OSBPL6: variants seen among roughly 807,000 people sequenced by gnomAD.
OSBPL6 encodes oxysterol binding protein like 6.
A neutral mutation model predicts 125.8 loss-of-function variants in OSBPL6; 49 were observed. The ratio of observed to expected loss-of-function variants is 0.39; its 90% CI spans 0.31 to 0.49. The LOEUF is 0.49. Among genes scored for constraint, OSBPL6 ranks in the 20% least tolerant of loss-of-function variants. OSBPL6 has a pLI of 0.88. For synonymous variants in OSBPL6, 394 were observed against 391.8 expected, an observed-to-expected ratio of 1.01 and a Z score of -0.07; for missense variants, 986 against 1,135.4, an observed-to-expected ratio of 0.87 and a Z score of 1.89.
chr2:178,357,559 G>A (rs80020996), intron 12 of OSBPL6, among the ~76,000 whole-genome samples: 6,323 of 152,196 alleles, frequency 0.042, 219 homozygotes, highest in South Asian at 0.15. Context: ...AGTTAAAATG[G>A]CCATCATTAT....
At chr2:178,351,863 A>G (rs1490488406) in intron 12 of OSBPL6, among the ~76,000 whole-genome samples, 9 of 152,162 alleles carry the variant, frequency 5.9e-5, no homozygotes, top group Non-Finnish European at 1.2e-4. Flanking sequence ...GAGGAGGGAG[A>G]GGAACAGAGA....
intron 13 of OSBPL6, among the ~76,000 whole-genome samples, chr2:178,369,984 G>A (rs1693226647): frequency 6.6e-6 from 1 of 152,164 alleles, no homozygotes; most frequent in African/African-American, 2.4e-5. Context: ...GTGATTCTGG[G>A]CTGGGCAGGG....
chr2:178,350,532 G>A (rs191323565), intron 12 of OSBPL6, among the ~76,000 whole-genome samples: 3 of 152,196 alleles, frequency 2.0e-5, no homozygotes, highest in South Asian at 2.1e-4. Flanking sequence ...CAAACCATCC[G>A]CAAAAATATG....
intron 14 of OSBPL6, among the ~76,000 whole-genome samples, chr2:178,373,660 AT>A (rs1234818554): frequency 6.6e-6 from 1 of 152,226 alleles, no homozygotes; most frequent in Non-Finnish European, 1.5e-5. Context: ...TCAATCAAAG[AT>A]TTAAAATCAA....
intron 9 of OSBPL6, 95 bp downstream of exon 9, chr2:178,336,528 T>G: frequency 4.3e-6 from 6 of 1,386,338 alleles, no homozygotes; most frequent in Non-Finnish European, 5.9e-6. Context: ...TCTTTTACCC[T>G]GATTGCCTTG....
At chr2:178,382,966 T>C in intron 16 of OSBPL6, 58 bp from the exon 17 acceptor site, 3 of 1,580,422 alleles carry the variant, frequency 1.9e-6, no homozygotes, top group Non-Finnish European at 2.6e-6. Context: ...ATTTCCCTTC[T>C]TGATTTTGTG....
intron 1 of OSBPL6, among the ~76,000 whole-genome samples, chr2:178,248,530 T>A (rs1373771980): frequency 6.6e-6 from 1 of 152,086 alleles, no homozygotes; most frequent in Non-Finnish European, 1.5e-5. Context: ...TGTTTTGGGG[T>A]TAGGAAAGGA....
intron 12 of OSBPL6, among the ~76,000 whole-genome samples, chr2:178,360,373 TG>T (rs1057513325): frequency 1.3e-5 from 2 of 151,710 alleles, no homozygotes; most frequent in African/African-American, 4.8e-5. Context: ...CACAGCGCGG[TG>T]GGGGGGCGGG....
intron 4 of OSBPL6, 123 bp from the exon 5 acceptor site, chr2:178,328,133 T>C (rs1688859114): frequency 4.7e-6 from 6 of 1,274,696 alleles, no homozygotes; most frequent in Non-Finnish European, 6.5e-6. Context: ...TCCGGAATGT[T>C]GTTCATCCTT....
Position 178,332,505 on chromosome 2 carries a change from CTGTT to C in OSBPL6, c.373-131_373-128del, listed in dbSNP as rs1689291538. On this transcript the variant is annotated intron_variant, in intron 6 of 24. Transcript: ENST00000190611. ...TAATCCATAGAACCTTAACTATTTT[CTGTT>C]TGTTAAGGAGGTATATGTAGTATTC... The C allele has an allele frequency of 4.7e-6, 3 of 637,524 alleles. No individual in the cohort carries two copies. The Admixed American group carries it at 8.4e-5, about 18-fold the overall frequency. The allele number at this position is 637,524 out of a possible 1,614,324, so 39.5% of individuals were successfully genotyped here. A position where few individuals can be genotyped will look rare whatever the true frequency, so the allele number is the denominator to read the frequency against.
intron 1 of OSBPL6, among the ~76,000 whole-genome samples, chr2:178,218,438 A>G (rs2090183112): frequency 6.6e-6 from 1 of 151,274 alleles, no homozygotes; most frequent in Admixed American, 6.6e-5. Context: ...AGAGAATGCT[A>G]TAGCAAGGTA....
intron 1 of OSBPL6, among the ~76,000 whole-genome samples, chr2:178,271,272 T>C (rs2092370351): frequency 6.6e-6 from 1 of 152,206 alleles, no homozygotes; most frequent in Non-Finnish European, 1.5e-5. Flanking sequence ...ATAAGAATGC[T>C]AATATGCCTG....
chr2:178,375,373 T>C (rs1693765245), intron 15 of OSBPL6, among the ~76,000 whole-genome samples: 1 of 152,166 alleles, frequency 6.6e-6, no homozygotes, highest in East Asian at 1.9e-4. Flanking sequence ...TGAGCTCCCA[T>C]AGCTGACCCA....
At chr2:178,300,702 C>T (rs998583540) in intron 2 of OSBPL6, among the ~76,000 whole-genome samples, 1 of 152,188 alleles carries the variant, frequency 6.6e-6, no homozygotes, top group Non-Finnish European at 1.5e-5. Flanking sequence ...CTCAAGTGAT[C>T]CTACTTATCC....
chr2:178,340,215 A>G (rs1690083146), intron 11 of OSBPL6, among the ~76,000 whole-genome samples: 1 of 152,064 alleles, frequency 6.6e-6, no homozygotes, highest in Non-Finnish European at 1.5e-5. Flanking sequence ...GCAAACCCAG[A>G]TTCTAGTCTA....
chr2:178,306,980 A>G (rs1686820171), intron 3 of OSBPL6, among the ~76,000 whole-genome samples: 1 of 152,182 alleles, frequency 6.6e-6, no homozygotes, highest in African/African-American at 2.4e-5. Context: ...CAGCCAGCAC[A>G]GGTCTGAGCA....
intron 2 of OSBPL6, among the ~76,000 whole-genome samples, chr2:178,303,468 A>G (rs1196454520): frequency 6.6e-6 from 1 of 152,214 alleles, no homozygotes; most frequent in Non-Finnish European, 1.5e-5. Context: ...TCAGGGTGAC[A>G]TAATCCATTA....
Position 178,394,362 on chromosome 2 carries a change from G to A in OSBPL6, c.2623G>A (p.Val875Ile). 6.2e-7 allele frequency: 1 copy of A among 1,613,710 alleles called. No individual in the cohort carries two copies. The highest frequency in any genetic ancestry group is 8.5e-7 in the Non-Finnish European group (1 of 1,179,858). ...AGCTGCAGCATCAGAGAAGCAAAGA[G>A]TAGAGGAACTCCAGAGATCTCGGAG... Reference protein sequence around the residue: ...LEAAASEKQRVEELQRSRRRY... With the variant: ...LEAAASEKQRIEELQRSRRRY... Residue 875 changes from valine (V) to isoleucine (I), a missense_variant, in exon 24 of 25, where the codon GTA (valine) becomes ATA (isoleucine). Val to Ile is a conservative substitution (Grantham distance 29). Transcript: ENST00000190611.
At chr2:178,349,155 C>T in intron 11 of OSBPL6, 69 bp from the exon 12 acceptor site, 1 of 1,498,680 alleles carries the variant, frequency 6.7e-7, no homozygotes, top group African/African-American at 1.4e-5. Context: ...CGGGAGAGGT[C>T]TTTTCTATGT....
Sources: gnomAD v4.1 joint callset for allele counts (sites outside exome capture counted in the v4.1 genomes callset) on GRCh38, gnomAD v4.1.1 for gene constraint, MANE v1.5 for transcripts, NCBI Gene and HGNC (gene_info 2026-07-23, HGNC 2026-07-21) for gene names.